Variants in EML4 observed in about 807,000 individuals in gnomAD.
EML4 encodes the protein EMAP like 4.
EML4 carries 72 observed loss-of-function variants against 129.0 expected under a neutral mutation model. That is an observed-to-expected ratio of 0.56 (90% confidence interval 0.46 to 0.68). EML4 has a LOEUF of 0.68. Among genes scored for constraint, EML4 ranks in the 30% least tolerant of loss-of-function variants. The pLI is 0.00. For missense variants in EML4, 1,363 were observed against 1,190.6 expected (o/e 1.14, Z -2.13); for synonymous variants, 532 against 405.0 (o/e 1.31, Z -3.77).
intron 6 of EML4, among the ~76,000 whole-genome samples, chr2:42,269,551 A>G (rs58461458): frequency 6.6e-6 from 1 of 152,190 alleles, no homozygotes; most frequent in African/African-American, 2.4e-5. Context: ...GGTGATATAT[A>G]TGAGGAAAGA....
At chr2:42,229,295 T>G (rs1169169221) in intron 1 of EML4, among the ~76,000 whole-genome samples, 1 of 152,198 alleles carries the variant, frequency 6.6e-6, no homozygotes, top group African/African-American at 2.4e-5. Flanking sequence ...TAGCTTCATT[T>G]TAAAGATGGA....
chr2:42,287,242 A>C (rs1667357414), intron 10 of EML4, among the ~76,000 whole-genome samples: 1 of 152,154 alleles, frequency 6.6e-6, no homozygotes, highest in South Asian at 2.1e-4. Context: ...TGCTAGCTTG[A>C]AGGCACTGAA....
intron 21 of EML4, 38 bp from the exon 22 acceptor site, chr2:42,328,848 A>G: frequency 6.5e-7 from 1 of 1,543,438 alleles, no homozygotes; most frequent in Non-Finnish European, 8.8e-7. Flanking sequence ...ATATTTCTTC[A>G]GCTAATTTTT....
chr2:42,230,067 A>C (rs1029581077), intron 1 of EML4, among the ~76,000 whole-genome samples: 1 of 152,148 alleles, frequency 6.6e-6, no homozygotes, highest in East Asian at 1.9e-4. Context: ...CTTCTAATAA[A>C]GGGGGTTCTT....
At chr2:42,196,082 A>T (rs911579391) in intron 1 of EML4, among the ~76,000 whole-genome samples, 1 of 152,220 alleles carries the variant, frequency 6.6e-6, no homozygotes, top group Admixed American at 6.5e-5. Context: ...GAATTTTGGA[A>T]TCAGAGAGAT....
At chr2:42,263,398 CTTTTTTT>C (rs67401314) in intron 5 of EML4, 92 bp downstream of exon 5, 507 of 239,944 alleles carry the variant, frequency 2.1e-3, no homozygotes, top group Middle Eastern at 3.2e-3. Context: ...TGGTTTGAAT[CTTTTTTT>C]TTTTTTTTTT....
At chr2:42,324,673 C>G (rs1278951430) in intron 19 of EML4, among the ~76,000 whole-genome samples, 1 of 152,218 alleles carries the variant, frequency 6.6e-6, no homozygotes, top group Non-Finnish European at 1.5e-5. Context: ...TGTTTGACCA[C>G]AGACTGTAGG....
At chr2:42,254,292 GA>G (rs1194744746) in intron 2 of EML4, among the ~76,000 whole-genome samples, 1 of 151,606 alleles carries the variant, frequency 6.6e-6, no homozygotes, top group Non-Finnish European at 1.5e-5. Context: ...CTGTCTCTAC[GA>G]AAAAAATATA....
intron 3 of EML4, among the ~76,000 whole-genome samples, chr2:42,258,060 A>G (rs899271848): frequency 2.6e-5 from 4 of 152,146 alleles, no homozygotes; most frequent in African/African-American, 9.7e-5. Context: ...TTACATAGCT[A>G]TTGCACTGTT....
intron 2 of EML4, among the ~76,000 whole-genome samples, chr2:42,246,432 G>C (rs1416912908): frequency 6.6e-6 from 1 of 152,168 alleles, no homozygotes; most frequent in Non-Finnish European, 1.5e-5. Flanking sequence ...ACATTTATTG[G>C]CTTGCCTTCC....
intron 2 of EML4, among the ~76,000 whole-genome samples, chr2:42,253,171 A>G (rs1675891356): frequency 6.6e-6 from 1 of 152,222 alleles, no homozygotes; most frequent in African/African-American, 2.4e-5. Context: ...AAACTGAAGC[A>G]TAGGGTGTAA....
At chr2:42,230,507 A>C (rs1674264904) in intron 1 of EML4, among the ~76,000 whole-genome samples, 1 of 152,090 alleles carries the variant, frequency 6.6e-6, no homozygotes, top group Non-Finnish European at 1.5e-5. Flanking sequence ...CCCAGGTTCA[A>C]GTGATTCTCC....
chr2:42,313,725 C>T (rs1017023116), intron 17 of EML4, among the ~76,000 whole-genome samples: 19 of 152,034 alleles, frequency 1.2e-4, no homozygotes, highest in South Asian at 1.0e-3. Context: ...GTCAGGAGTT[C>T]AAGACCAGCC....
intron 1 of EML4, among the ~76,000 whole-genome samples, chr2:42,190,929 CTTT>C (rs1362667030): frequency 2.0e-5 from 3 of 152,198 alleles, no homozygotes; most frequent in Non-Finnish European, 4.4e-5. Context: ...AAAAACCATT[CTTT>C]GTGTGCAGGC....
intron 1 of EML4, among the ~76,000 whole-genome samples, chr2:42,195,754 C>T (rs1572859477): frequency 6.6e-6 from 1 of 152,226 alleles, no homozygotes; most frequent in East Asian, 1.9e-4. Context: ...ACTCATTTTT[C>T]AAGGAGCTTT....
intron 1 of EML4, among the ~76,000 whole-genome samples, chr2:42,192,500 A>G (rs559591437): frequency 6.6e-6 from 1 of 152,194 alleles, no homozygotes; most frequent in African/African-American, 2.4e-5. Flanking sequence ...TCAGCCTCCC[A>G]AAGTACTGGG....
rs568363503 is a variant in EML4, at chr2:42,214,175, A to G, written c.26-31330A>G. Among the ~76,000 whole-genome samples the G allele has an allele frequency of 6.6e-5, 10 of 152,340 alleles. No individual in the cohort carries two copies. The South Asian group carries it at 2.1e-3, about 32-fold the overall frequency. ...TAAGACAACAGCTTGGGCGGGAGTC[A>G]CAGATCACTGACAAGATGTCAGATA... On this transcript the variant is annotated intron_variant, in intron 1 of 22. Coordinates refer to ENST00000318522, the MANE Select transcript of EML4 (RefSeq NM_019063.5).
At chr2:42,264,444 A>C (rs928511980) in intron 5 of EML4, among the ~76,000 whole-genome samples, 1 of 152,148 alleles carries the variant, frequency 6.6e-6, no homozygotes, top group Non-Finnish European at 1.5e-5. Context: ...TAATCATATA[A>C]GATTTGAGTA....
chr2:42,299,005 CGTG>C (rs1181270191), intron 13 of EML4, among the ~76,000 whole-genome samples: 5 of 152,184 alleles, frequency 3.3e-5, no homozygotes, highest in Admixed American at 1.3e-4. Context: ...TCCTCCCTCT[CGTG>C]GTAACATCAG....
Sources: gnomAD v4.1 joint callset for allele counts (sites outside exome capture counted in the v4.1 genomes callset) on GRCh38, gnomAD v4.1.1 for gene constraint, MANE v1.5 for transcripts, NCBI Gene and HGNC (gene_info 2026-07-23, HGNC 2026-07-21) for gene names.